Variants in TANC2 observed in about 807,000 individuals in gnomAD.
The protein encoded by TANC2 is protein TANC2.
TANC2 carries 26 observed loss-of-function variants against 210.5 expected under a neutral mutation model. That is an observed-to-expected ratio of 0.12 (90% confidence interval 0.09 to 0.17). The LOEUF is 0.17. TANC2 is among the 10% of genes least tolerant of loss of function. TANC2 has a pLI of 1.00. For synonymous variants in TANC2, 931 were observed against 967.1 expected (o/e 0.96, Z 0.69); for missense variants, 2,129 against 2,608.9 (o/e 0.82, Z 4.01).
intron 12 of TANC2, among the ~76,000 whole-genome samples, chr17:63,350,334 G>A (rs2046559727): frequency 6.6e-6 from 1 of 152,116 alleles, no homozygotes; most frequent in African/African-American, 2.4e-5. Context: ...GAGCCTGTGA[G>A]ATCCTGCTAA....
exon 9 of TANC2, chr17:63,267,863 G>A (rs372173009): frequency 6.2e-7 from 1 of 1,610,754 alleles, no homozygotes; most frequent in African/African-American, 1.3e-5. Flanking sequence ...GCACACAGCA[G>A]GATTTAAGAG....
Position 62,966,402 on chromosome 17 carries a change from C to T in TANC2, c.-371C>T, listed in dbSNP as rs1307457532. Among the ~76,000 whole-genome samples the T allele has an allele frequency of 6.8e-6, 1 of 147,778 alleles. No homozygotes were observed. The highest frequency in any genetic ancestry group is 1.5e-5 in the Non-Finnish European group (1 of 66,274). On this transcript the variant is annotated 5_prime_UTR_variant, in exon 1 of 28. Transcript: ENST00000689528. This position sits in a 1 kb window ranked among gnomAD's most constrained non-coding sequence, Gnocchi z 5.1. ...GGCGCTGCCCTCCCGCCGCCACCGC[C>T]CTCCGCGCCTCCTTCGGGCGGCCCC... is the stretch of plus-strand genomic sequence containing the variant.
At chr17:63,386,855 G>T (rs1269198372) in intron 15 of TANC2, among the ~76,000 whole-genome samples, 1 of 151,932 alleles carries the variant, frequency 6.6e-6, no homozygotes, top group East Asian at 1.9e-4. Flanking sequence ...GGTGGTTGTT[G>T]TTTTTTGGTT....
chr17:63,296,788 AC>A (rs1304489167), intron 9 of TANC2, among the ~76,000 whole-genome samples: 1 of 152,178 alleles, frequency 6.6e-6, no homozygotes, highest in Non-Finnish European at 1.5e-5. Flanking sequence ...TTTAAAATTG[AC>A]CAGAGAAGTT....
At chr17:63,014,816 A>T (rs1598255766) in intron 2 of TANC2, among the ~76,000 whole-genome samples, 1 of 152,242 alleles carries the variant, frequency 6.6e-6, no homozygotes, top group East Asian at 1.9e-4. Context: ...TAGGAGTCTG[A>T]TTCTAATATT....
chr17:63,395,632 G>A, intron 17 of TANC2, 111 bp from the exon 18 acceptor site: 1 of 971,960 alleles, frequency 1.0e-6, no homozygotes, highest in Non-Finnish European at 1.5e-6. Context: ...GGTTCCAGGA[G>A]TGGAAAGGAT....
intron 7 of TANC2, among the ~76,000 whole-genome samples, chr17:63,204,606 AAAGAAAGAAAGAAAGACTCATCCTAAAG>A (rs1239989691): frequency 5.4e-5 from 8 of 149,414 alleles, no homozygotes; most frequent in Admixed American, 2.6e-4. Flanking sequence ...TCTAAAAAAA[AAAGAAAGAAAGAAAGACTCATCCTAAAG>A]AAGAAAGAAA....
chr17:63,051,335 C>A (rs2035574844), intron 2 of TANC2, among the ~76,000 whole-genome samples: 1 of 152,180 alleles, frequency 6.6e-6, no homozygotes. Flanking sequence ...AAATCTGGTA[C>A]TGTTCCTGAA....
At position 63,126,847 on chromosome 17, in the gene TANC2, C is replaced by T. The variant is rs573239722; in HGVS notation, c.323-24423C>T. Among the ~76,000 whole-genome samples the T allele has an allele frequency of 9.9e-5, 15 of 152,236 alleles. No individual in the cohort carries two copies. In the South Asian group the frequency reaches 1.9e-3, roughly 19 times the overall value. On this transcript the variant is annotated intron_variant, in intron 4 of 27. Transcript: ENST00000689528. Reference sequence around the variant, plus strand: ...CATGAGTCACGTTCCTTTTACCTCCCCACCCCCCACTGATTCTTAGGACTC... The same window carrying T: ...CATGAGTCACGTTCCTTTTACCTCCTCACCCCCCACTGATTCTTAGGACTC...
intron 2 of TANC2, among the ~76,000 whole-genome samples, chr17:63,041,656 A>G (rs559415351): frequency 8.8e-4 from 134 of 152,266 alleles, no homozygotes; most frequent in Non-Finnish European, 1.5e-3. Context: ...TGAACTTTCT[A>G]AGTAGTATTC....
chr17:63,275,465 A>C (rs1027805880), intron 9 of TANC2, among the ~76,000 whole-genome samples: 2 of 152,172 alleles, frequency 1.3e-5, no homozygotes, highest in African/African-American at 4.8e-5. Context: ...ACCATTTATG[A>C]GTCCCGTACT....
At chr17:63,210,529 A>G (rs2041854001) in intron 7 of TANC2, among the ~76,000 whole-genome samples, 1 of 152,156 alleles carries the variant, frequency 6.6e-6, no homozygotes. Context: ...GTCAAGATTT[A>G]TGTCTCCTAC....
chr17:63,276,110 TGTA>T (rs1251881859), intron 9 of TANC2, among the ~76,000 whole-genome samples: 1 of 152,152 alleles, frequency 6.6e-6, no homozygotes, highest in Non-Finnish European at 1.5e-5. Flanking sequence ...TTTTTAATCT[TGTA>T]GTATATAAAA....
At chr17:63,165,535 C>T (rs1474084931) in intron 5 of TANC2, among the ~76,000 whole-genome samples, 1 of 152,152 alleles carries the variant, frequency 6.6e-6, no homozygotes, top group Admixed American at 6.5e-5. Context: ...TCCCATTACC[C>T]GGTCTGTACT....
intron 19 of TANC2, among the ~76,000 whole-genome samples, chr17:63,404,843 C>G (rs184942685): frequency 2.0e-5 from 3 of 151,848 alleles, no homozygotes; most frequent in East Asian, 1.9e-4. Flanking sequence ...GCAGAGAAGA[C>G]AGTCTGGTTA....
Position 63,368,249 on chromosome 17 carries a change from G to T in TANC2, c.2583-11469G>T, listed in dbSNP as rs73994443. ...CTGAATGGAGGAGGGGCTCTAACAT[G>T]AGCAAAGGCAGGAGGAAGAACAGGC... is the stretch of plus-strand genomic sequence containing the variant. On this transcript the variant is annotated intron_variant, in intron 14 of 27. Transcript: ENST00000689528. Among the ~76,000 whole-genome samples the T allele has an allele frequency of 7.6e-4, 115 of 152,306 alleles. 1 individual carries two copies. The highest frequency in any genetic ancestry group is 2.7e-3 in the African/African-American group (113 of 41,570).
At chr17:63,285,178 A>G (rs1273274749) in intron 9 of TANC2, among the ~76,000 whole-genome samples, 1 of 151,606 alleles carries the variant, frequency 6.6e-6, no homozygotes, top group Non-Finnish European at 1.5e-5. Context: ...TTTTTATCCA[A>G]TCTGTCTTTG....
intron 19 of TANC2, among the ~76,000 whole-genome samples, chr17:63,400,754 C>T (rs2048318352): frequency 6.6e-6 from 1 of 151,846 alleles, no homozygotes; most frequent in Non-Finnish European, 1.5e-5. Context: ...AGTGATTCTC[C>T]TGCCTCAGCC....
intron 1 of TANC2, among the ~76,000 whole-genome samples, chr17:62,999,736 T>C (rs1291019330): frequency 6.6e-6 from 1 of 152,176 alleles, no homozygotes; most frequent in Non-Finnish European, 1.5e-5. Flanking sequence ...TGGACATCCC[T>C]GGTATATGCC....
Sources: allele counts gnomAD v4.1 joint callset (sites outside exome capture counted in the v4.1 genomes callset), GRCh38; gene constraint gnomAD v4.1.1; non-coding constraint Gnocchi (gnomAD v3.1); transcripts MANE v1.5; gene names NCBI Gene and HGNC (gene_info 2026-07-23, HGNC 2026-07-21).